Variants in CFAP54 observed in about 807,000 individuals in gnomAD.
CFAP54 encodes cilia and flagella associated protein 54.
Under a neutral mutation model 370.4 loss-of-function variants are expected in CFAP54, and 290 were observed. The observed-to-expected ratio is 0.78, with a 90% CI of 0.71 to 0.86. The LOEUF is 0.86. Among genes scored for constraint, CFAP54 ranks in the 40% least tolerant of loss-of-function variants. The pLI is 0.00. For missense variants in CFAP54, 3,399 were observed against 3,528.7 expected (o/e 0.96, Z 0.93); for synonymous variants, 1,206 against 1,236.5 (o/e 0.98, Z 0.52).
intron 36 of CFAP54, among the ~76,000 whole-genome samples, chr12:96,652,703 T>G (rs1381442147): frequency 6.6e-6 from 1 of 152,174 alleles, no homozygotes; most frequent in Non-Finnish European, 1.5e-5. Context: ...GTAGACATTG[T>G]CTGACTGGAT....
Position 96,627,617 on chromosome 12 carries a change from A to G in CFAP54, c.4103+678A>G, listed in dbSNP as rs549756435. 2.0e-5 allele frequency among the ~76,000 whole-genome samples: 3 copies of G among 152,322 alleles called. No homozygotes were observed. In the South Asian group the frequency reaches 6.2e-4, roughly 32 times the overall value. On this transcript the variant is annotated intron_variant, in intron 30 of 67. Coordinates refer to ENST00000524981, the MANE Select transcript of CFAP54 (RefSeq NM_001306084.2). ...AGCATTCCCTTAAAAACATATAGAA[A>G]GATTTCTTCCTAAAATAGGTACTTC...
intron 30 of CFAP54, among the ~76,000 whole-genome samples, chr12:96,627,645 T>G (rs1289071637): frequency 6.6e-6 from 1 of 152,204 alleles, no homozygotes; most frequent in African/African-American, 2.4e-5. Flanking sequence ...GGTACTTCAT[T>G]TATTAGAACA....
intron 22 of CFAP54, among the ~76,000 whole-genome samples, chr12:96,585,921 G>A (rs1382544233): frequency 6.6e-6 from 1 of 152,104 alleles, no homozygotes. Context: ...AGTGTCATCA[G>A]TCTTAACATC....
intron 50 of CFAP54, among the ~76,000 whole-genome samples, chr12:96,727,444 C>G (rs1008724685): frequency 5.5e-5 from 8 of 145,128 alleles, no homozygotes; most frequent in African/African-American, 1.6e-4. Flanking sequence ...CCTTCTTTGT[C>G]TCTTTTGATC....
At position 96,829,659 on chromosome 12, in the gene CFAP54, C is replaced by T. The variant is rs77373841; in HGVS notation, c.9171+571C>T. 9.5e-3 allele frequency among the ~76,000 whole-genome samples: 1,436 copies of T among 151,748 alleles called. 55 individuals carry two copies. In the East Asian group the frequency reaches 0.1, roughly 11 times the overall value. On this transcript the variant is annotated intron_variant, in intron 66 of 67. Transcript: ENST00000524981. ...CTGTATTACCTCTTCAGAATTAATTCTTAGGGATTGGATTTGGAGTAAAAA... is the reference window on the plus strand; with the variant it reads ...CTGTATTACCTCTTCAGAATTAATTTTTAGGGATTGGATTTGGAGTAAAAA...
chr12:96,855,974 T>A (rs542384577), intron 66 of CFAP54, among the ~76,000 whole-genome samples: 25 of 152,310 alleles, frequency 1.6e-4, no homozygotes, highest in Admixed American at 1.6e-3. Context: ...TTTCCATATA[T>A]CCTCTGAAAT....
chr12:96,643,553 C>G (rs1592902919), intron 32 of CFAP54, among the ~76,000 whole-genome samples: 2 of 152,118 alleles, frequency 1.3e-5, no homozygotes, highest in Admixed American at 1.3e-4. Flanking sequence ...CTATAAACAA[C>G]TATATAACTG....
intron 39 of CFAP54, among the ~76,000 whole-genome samples, chr12:96,673,320 C>T (rs532421142): frequency 6.6e-6 from 1 of 152,240 alleles, no homozygotes; most frequent in South Asian, 2.1e-4. Flanking sequence ...GCCTCTTCTC[C>T]GTTGCTCCCT....
intron 13 of CFAP54, chr12:96,538,746 G>T: frequency 4.3e-6 from 2 of 468,486 alleles, no homozygotes; most frequent in South Asian, 2.6e-5. Context: ...GAGCGAAGAG[G>T]TGTTTCAGGC....
intron 4 of CFAP54, among the ~76,000 whole-genome samples, chr12:96,510,950 G>T (rs1955158793): frequency 7.1e-6 from 1 of 141,628 alleles, no homozygotes; most frequent in South Asian, 2.3e-4. Context: ...GTGACAGAGC[G>T]AGACTCTTAT....
At chr12:96,629,295 A>G (rs1290767287) in intron 30 of CFAP54, among the ~76,000 whole-genome samples, 1 of 151,980 alleles carries the variant, frequency 6.6e-6, no homozygotes. Flanking sequence ...TATACACTGT[A>G]TAATACATTT....
At chr12:96,682,526 C>A (rs1317746184) in intron 40 of CFAP54, among the ~76,000 whole-genome samples, 1 of 152,084 alleles carries the variant, frequency 6.6e-6, no homozygotes, top group Non-Finnish European at 1.5e-5. Context: ...CAGGCTCACA[C>A]CACCACACCT....
chr12:96,784,570 C>A, intron 60 of CFAP54, 147 bp from the exon 61 acceptor site: 6 of 493,664 alleles, frequency 1.2e-5, no homozygotes, highest in Non-Finnish European at 2.0e-5. Context: ...TGTTTGGTGT[C>A]TGCATGATAC....
At chr12:96,685,271 G>T in intron 42 of CFAP54, 33 bp downstream of exon 42, 1 of 1,594,612 alleles carries the variant, frequency 6.3e-7, no homozygotes, top group Non-Finnish European at 8.6e-7. Context: ...CCCCGTACTA[G>T]CTAACAGCTT....
rs1960187084 is a variant in CFAP54, at chr12:96,872,166, AC to A, written c.*15-2951del. On this transcript the variant is annotated intron_variant, in intron 67 of 67. Coordinates refer to ENST00000524981, the MANE Select transcript of CFAP54 (RefSeq NM_001306084.2). ...GTTCTGAAAATCAAAAATAGGAAAA[AC>A]ATATTAAAATCAACCAGAAGAAAAA... Among the ~76,000 whole-genome samples, 9 of 152,182 alleles carry A rather than the reference AC, an allele frequency of 5.9e-5. No homozygotes were observed. In the South Asian group the frequency reaches 1.9e-3, roughly 32 times the overall value.
chr12:96,630,588 AG>A lies in CFAP54; in HGVS notation c.4255del (p.Glu1419LysfsTer3). On this transcript the variant is annotated frameshift_variant, in exon 32 of 68. Coordinates refer to ENST00000524981, the MANE Select transcript of CFAP54 (RefSeq NM_001306084.2). LOFTEE classifies it high-confidence loss of function. ...EMQQRIRSKK[K>X]ETLRDFIFKN... ...CAACAAAGAATAAGAAGTAAAAAAA[AG>A]GAAACTCTAAGAGATTTCATTTTTA... The A allele has an allele frequency of 6.7e-7, 1 of 1,502,596 alleles. No homozygotes were observed. Among genetic ancestry groups the A allele is most frequent in the Non-Finnish European group, 8.8e-7 (1 of 1,131,630 alleles). The allele number at this position is 1,502,596 out of a possible 1,614,324, so 93.1% of individuals were successfully genotyped here.
At chr12:96,503,070 CTT>C (rs375256804) in intron 2 of CFAP54, among the ~76,000 whole-genome samples, 2,511 of 106,952 alleles carry the variant, frequency 0.023, 61 homozygotes, top group African/African-American at 0.094. Flanking sequence ...CTCTCTCTCT[CTT>C]TCTTTCTTTC....
chr12:96,870,001 C>T (rs966131034), intron 67 of CFAP54, among the ~76,000 whole-genome samples: 22 of 150,734 alleles, frequency 1.5e-4, no homozygotes, highest in African/African-American at 4.1e-4. Context: ...TGGTGGCTCA[C>T]GCCTTTAATC....
chr12:96,859,387 CT>C (rs1045301087), intron 66 of CFAP54, among the ~76,000 whole-genome samples: 290 of 127,044 alleles, frequency 2.3e-3, no homozygotes, highest in Non-Finnish European at 3.8e-3. Context: ...CCAGAATGCA[CT>C]TTTTGTTTGT....
Sources: gnomAD v4.1 joint callset for allele counts (sites outside exome capture counted in the v4.1 genomes callset) on GRCh38, gnomAD v4.1.1 for gene constraint, MANE v1.5 for transcripts, NCBI Gene and HGNC (gene_info 2026-07-23, HGNC 2026-07-21) for gene names.